The following AGBL4 variants were observed in gnomAD, a reference collection of about 807,000 sequenced individuals.
AGBL4 encodes the protein cytosolic carboxypeptidase 6.
Under a neutral mutation model 66.4 loss-of-function variants are expected in AGBL4, and 58 were observed. The observed-to-expected ratio is 0.87, with a 90% CI of 0.71 to 1.09. The LOEUF is 1.09. Ranked by LOEUF, AGBL4 falls within the 50% of genes least tolerant of loss-of-function variation. AGBL4 has a pLI of 0.00. For synonymous variants in AGBL4, 234 were observed against 222.9 expected (o/e 1.05, Z -0.44); for missense variants, 579 against 631.0 (o/e 0.92, Z 0.88).
intron 2 of AGBL4, among the ~76,000 whole-genome samples, chr1:49,758,938 G>A (rs908946239): frequency 2.6e-5 from 4 of 152,266 alleles, no homozygotes; most frequent in African/African-American, 9.6e-5. Flanking sequence ...ATTGTAATCT[G>A]AACTGTAATC....
At chr1:49,056,913 T>G (rs1644318654) in intron 4 of AGBL4, among the ~76,000 whole-genome samples, 2 of 152,162 alleles carry the variant, frequency 1.3e-5, no homozygotes, top group Admixed American at 1.3e-4. Context: ...TTACTGAAAT[T>G]TTCACATCTC....
In AGBL4 at chr1:48,865,959, A is replaced by G. The variant is rs1648026532; in HGVS notation, c.634+1232T>C. 2.0e-5 allele frequency among the ~76,000 whole-genome samples: 3 copies of G among 152,308 alleles called. No individual in the cohort carries two copies. In the South Asian group the frequency reaches 6.2e-4, roughly 32 times the overall value. ...TTTGGAATTTCTATATATGTTAATC[A>G]TATATATGTTAAATGTAGATCATTC... On this transcript the variant is annotated intron_variant, in intron 6 of 13. Transcript: ENST00000371839.
chr1:49,632,805 T>C (rs1187727994), intron 3 of AGBL4, among the ~76,000 whole-genome samples: 1 of 145,018 alleles, frequency 6.9e-6, no homozygotes, highest in Non-Finnish European at 1.5e-5. Flanking sequence ...AGGCCACTAA[T>C]ATTTGCTCAT....
At chr1:48,723,959 C>T (rs1010406490) in intron 6 of AGBL4, among the ~76,000 whole-genome samples, 32 of 152,250 alleles carry the variant, frequency 2.1e-4, no homozygotes, top group African/African-American at 7.7e-4. Context: ...AGCTGGAAGC[C>T]GAGGAGCGAG....
intron 3 of AGBL4, among the ~76,000 whole-genome samples, chr1:49,687,303 G>A (rs1646804740): frequency 6.6e-6 from 1 of 152,142 alleles, no homozygotes; most frequent in Non-Finnish European, 1.5e-5. Context: ...CTGTAGCAGA[G>A]ATAGAAAGGC....
chr1:48,768,431 T>C (rs1570599159), intron 6 of AGBL4, among the ~76,000 whole-genome samples: 1 of 152,168 alleles, frequency 6.6e-6, no homozygotes, highest in East Asian at 1.9e-4. Context: ...TTCAAAAATA[T>C]AGAAGAACTT....
At chr1:48,739,608 G>C (rs1210979057) in intron 6 of AGBL4, among the ~76,000 whole-genome samples, 3 of 152,114 alleles carry the variant, frequency 2.0e-5, no homozygotes, top group Non-Finnish European at 2.9e-5. Context: ...GGTTAACTTG[G>C]GCCAGTCACT....
At chr1:49,711,090 G>T (rs1420045911) in intron 2 of AGBL4, among the ~76,000 whole-genome samples, 1 of 151,824 alleles carries the variant, frequency 6.6e-6, no homozygotes, top group Non-Finnish European at 1.5e-5. Flanking sequence ...AGAAAATTTG[G>T]CCCCACCAAG....
intron 6 of AGBL4, among the ~76,000 whole-genome samples, chr1:48,764,331 T>C (rs1644423740): frequency 6.6e-6 from 1 of 152,238 alleles, no homozygotes; most frequent in Non-Finnish European, 1.5e-5. Context: ...CCTACTCACG[T>C]TGCAGAACTG....
At chr1:49,277,850 G>T (rs1053749665) in intron 3 of AGBL4, among the ~76,000 whole-genome samples, 1 of 151,650 alleles carries the variant, frequency 6.6e-6, no homozygotes, top group African/African-American at 2.4e-5. Flanking sequence ...TTCTCTGTTT[G>T]TTTCCAGAAT....
intron 1 of AGBL4, among the ~76,000 whole-genome samples, chr1:49,869,626 G>T (rs1646789894): frequency 6.6e-6 from 1 of 152,174 alleles, no homozygotes; most frequent in Non-Finnish European, 1.5e-5. Context: ...AGAGCATCAA[G>T]ATAAATAGCT....
chr1:49,144,139 T>C (rs1646169958), intron 4 of AGBL4, among the ~76,000 whole-genome samples: 1 of 152,174 alleles, frequency 6.6e-6, no homozygotes, highest in Non-Finnish European at 1.5e-5. Context: ...GTAAAAATGC[T>C]CCAAGCACTG....
At chr1:49,906,905 C>A (rs1156512374) in intron 1 of AGBL4, among the ~76,000 whole-genome samples, 1 of 151,988 alleles carries the variant, frequency 6.6e-6, no homozygotes. Context: ...TTCCTTAAAT[C>A]CACATTTTCT....
At chr1:49,598,889 G>T (rs1023153087) in intron 3 of AGBL4, among the ~76,000 whole-genome samples, 2 of 152,150 alleles carry the variant, frequency 1.3e-5, no homozygotes, top group Non-Finnish European at 1.5e-5. Context: ...TTCTGTTTAT[G>T]TGATGGATTA....
rs1557608785 is a variant in AGBL4 at position 49,948,181 on chromosome 1, T to TATATATAAATATATATAAATATAA, written c.34+75558_34+75581dup. Among the ~76,000 whole-genome samples, 26 of 96,746 alleles carry TATATATAAATATATATAAATATAA rather than the reference T, an allele frequency of 2.7e-4. No homozygotes were observed. The South Asian group carries it at 6.6e-3, about 25-fold the overall frequency. The allele number at this position is 96,746 out of a possible 152,430, so 63.5% of individuals were successfully genotyped here. On this transcript the variant is annotated intron_variant, in intron 1 of 13. Transcript: ENST00000371839. ...ACGTAAATATATAAATATATATAAC[T>TATATATAAATATATATAAATATAA]ATATATAAATATATATAAATATAAA...
chr1:49,802,420 T>A (rs1293984314), intron 2 of AGBL4, among the ~76,000 whole-genome samples: 1 of 152,232 alleles, frequency 6.6e-6, no homozygotes, highest in Non-Finnish European at 1.5e-5. Flanking sequence ...GGATTGTTTG[T>A]AACCAGCTTT....
intron 5 of AGBL4, among the ~76,000 whole-genome samples, chr1:48,908,268 C>A (rs1455048019): frequency 6.6e-6 from 1 of 152,160 alleles, no homozygotes; most frequent in Non-Finnish European, 1.5e-5. Flanking sequence ...CTCACAGGGT[C>A]ATCCTGATTC....
chr1:49,353,090 CAAAAT>C (rs1006575347), intron 3 of AGBL4, among the ~76,000 whole-genome samples: 1 of 152,134 alleles, frequency 6.6e-6, no homozygotes, highest in African/African-American at 2.4e-5. Flanking sequence ...TTTCAAGACA[CAAAAT>C]AATCTTATAT....
intron 1 of AGBL4, among the ~76,000 whole-genome samples, chr1:49,911,314 G>C (rs1261344557): frequency 2.0e-5 from 3 of 152,196 alleles, no homozygotes; most frequent in Admixed American, 1.3e-4. Context: ...GGAAGAAATG[G>C]TGGAAATCTT....
Sources: gnomAD v4.1 joint callset for allele counts (sites outside exome capture counted in the v4.1 genomes callset) on GRCh38, gnomAD v4.1.1 for gene constraint, MANE v1.5 for transcripts, NCBI Gene and HGNC (gene_info 2026-07-23, HGNC 2026-07-21) for gene names.